The following L3HYPDH variants were observed in gnomAD, a reference collection of about 807,000 sequenced individuals.
L3HYPDH encodes the protein trans-L-3-hydroxyproline dehydratase.
Under a neutral mutation model 26.5 loss-of-function variants are expected in L3HYPDH, and 32 were observed. The ratio of observed to expected loss-of-function variants is 1.21; its 90% CI spans 0.91 to 1.62. The LOEUF is 1.62. Ranked by LOEUF, L3HYPDH falls within the 40% of genes most tolerant of loss-of-function variation. The probability of loss-of-function intolerance (pLI) is 0.00; values close to 1 mark genes in which losing one functional copy is unlikely to be tolerated. For missense variants in L3HYPDH, 554 were observed against 476.4 expected (o/e 1.16, Z -1.52); for synonymous variants, 215 against 196.6 (o/e 1.09, Z -0.78).
In L3HYPDH at chr14:59,472,807, A is replaced by C; in HGVS notation, c.*158T>G. 1.9e-6 allele frequency: 1 copy of C among 530,814 alleles called. No homozygotes were observed. Among genetic ancestry groups the C allele is most frequent in the Non-Finnish European group, 3.0e-6 (1 of 327,902 alleles). 32.9% of individuals were successfully genotyped at this position (530,814 alleles called of 1,614,324 possible). A position where few individuals can be genotyped will look rare whatever the true frequency, so the allele number is the denominator to read the frequency against. On this transcript the variant is annotated 3_prime_UTR_variant, in exon 5 of 5. Transcript: ENST00000247194. ...TTATACAAATACAGTTGCAAATACG[A>C]GGTATAATGACTTTATATTTAGCCA...
chr14:59,489,801 G>T, the L3HYPDH span, among the ~76,000 whole-genome samples: 1 of 152,192 alleles, frequency 6.6e-6, no homozygotes, highest in Admixed American at 6.5e-5. Context: ...TTACAATCAT[G>T]GCAGAAGGCA....
chr14:59,501,333 G>A, the L3HYPDH span: 1 of 981,158 alleles, frequency 1.0e-6, no homozygotes, highest in Non-Finnish European at 1.6e-6. Flanking sequence ...TATCAGAATA[G>A]TCCATATGAT....
the L3HYPDH span, chr14:59,501,297 A>T: frequency 7.3e-7 from 1 of 1,369,592 alleles, no homozygotes; most frequent in Non-Finnish European, 1.0e-6. Flanking sequence ...TTTGTTAAAG[A>T]CTTTTTGATA....
chr14:59,470,298 G>C (rs1889279287), downstream of L3HYPDH, among the ~76,000 whole-genome samples: 1 of 152,204 alleles, frequency 6.6e-6, no homozygotes, highest in Non-Finnish European at 1.5e-5. Context: ...GAGCTTGTTA[G>C]AAATGCCCCA....
At position 59,479,327 on chromosome 14, in the gene L3HYPDH, T is replaced by G. The variant is rs778148908; in HGVS notation, c.533A>C (p.His178Pro). 1 of 1,612,386 alleles carries G rather than the reference T, an allele frequency of 6.2e-7. No homozygotes were observed. Among genetic ancestry groups the G allele is most frequent in the Admixed American group, 1.7e-5 (1 of 59,442 alleles). ...TGCAATGTCCACCATCACCTTTCCA[T>G]GTCCAGGAACATCCACCATGAGATC... ...ATDLMVDVPG[H>P]GKVMVDIAYG... is the part of the protein sequence containing the mutation. The change falls in exon 2 of 5, where the codon CAT (histidine) becomes CCT (proline). Residue 178 changes from histidine to proline, a missense_variant. His to Pro is a moderately conservative substitution (Grantham distance 77, BLOSUM62 -2). Coordinates refer to ENST00000247194, the MANE Select transcript of L3HYPDH (RefSeq NM_144581.2).
chr14:59,483,888 G>A lies in L3HYPDH; in HGVS notation c.429C>T (p.Thr143=). 2 of 1,570,680 alleles carry A rather than the reference G, an allele frequency of 1.3e-6. No individual in the cohort carries two copies. The highest frequency in any genetic ancestry group is 2.3e-5 in the South Asian group (2 of 87,080). The change falls in exon 1 of 5, where the codon ACC becomes ACT. Residue 143 remains threonine, a synonymous_variant. Transcript: ENST00000247194. ...VNIHCPCGLV[T]AFVACEDGRS... is the part of the protein sequence containing the mutation. ...GGCCGTCCTCGCATGCCACGAAGGCGGTCACCAGCCCGCAGGGGCAGTGGA... is the reference window on the plus strand; with the variant it reads ...GGCCGTCCTCGCATGCCACGAAGGCAGTCACCAGCCCGCAGGGGCAGTGGA...
Position 59,484,404 on chromosome 14 carries a change from A to ACG in L3HYPDH, c.-90_-89dup. On this transcript the variant is annotated 5_prime_UTR_variant, in exon 1 of 5. Transcript: ENST00000247194. ...ACTGACTCCGCGGGAGGAGGGCGGG[A>ACG]CGCTAACCAGCCACGTCCGGGGGGC... 6 of 1,438,376 alleles carry ACG rather than the reference A, an allele frequency of 4.2e-6. No individual in the cohort carries two copies. The highest frequency in any genetic ancestry group is 5.7e-6 in the Non-Finnish European group (6 of 1,060,854). 89.1% of individuals were successfully genotyped at this position (1,438,376 alleles called of 1,614,324 possible).
At chr14:59,492,010 C>T in the L3HYPDH span, among the ~76,000 whole-genome samples, 1 of 152,148 alleles carries the variant, frequency 6.6e-6, no homozygotes, top group African/African-American at 2.4e-5. Flanking sequence ...GTAATGGCCT[C>T]ATAGTCTGTG....
In L3HYPDH at chr14:59,475,990, G is replaced by A; in HGVS notation, c.818C>T (p.Thr273Ile). Reference sequence around the variant, plus strand: ...AATTCGGGCTGTCACTCCTGAGCCAGTGGGACTTCTGTCAACCTGTTTCAG... The same window carrying A: ...AATTCGGGCTGTCACTCCTGAGCCAATGGGACTTCTGTCAACCTGTTTCAG... ...FADEQVDRSP[T>I]GSGVTARIAL... Residue 273 changes from threonine to isoleucine, a missense_variant, in exon 4 of 5, where the codon ACT becomes ATT. Coordinates refer to ENST00000247194, the MANE Select transcript of L3HYPDH (RefSeq NM_144581.2). The A allele has an allele frequency of 1.9e-6, 3 of 1,614,000 alleles. No individual in the cohort carries two copies. Among genetic ancestry groups the A allele is most frequent in the Non-Finnish European group, 2.5e-6 (3 of 1,179,902 alleles).
chr14:59,495,286 A>T, the L3HYPDH span: 4 of 1,316,348 alleles, frequency 3.0e-6, no homozygotes, highest in Admixed American at 7.2e-5. Context: ...ATTATTATAG[A>T]TTTTATGGCG....
upstream of L3HYPDH, among the ~76,000 whole-genome samples, chr14:59,489,030 A>G (rs1313917991): frequency 6.6e-6 from 1 of 152,232 alleles, no homozygotes; most frequent in Non-Finnish European, 1.5e-5. Flanking sequence ...CCTTTTTCTC[A>G]TTGTGTTGGC....
At chr14:59,483,541 G>C in intron 1 of L3HYPDH, 1 of 1,396,606 alleles carries the variant, frequency 7.2e-7, no homozygotes, top group East Asian at 2.8e-5. Flanking sequence ...AGTGCAGAGG[G>C]AGGCGCTGAG....
Position 59,473,035 on chromosome 14 carries a change from T to C in L3HYPDH, c.995A>G (p.His332Arg), listed in dbSNP as rs1191985923. ...TATAAAGCTTGCTGTACCCGTGTAA[T>C]GGGCTTGTCCTGATACTTCCACTAT... is the stretch of plus-strand genomic sequence containing the variant. ...AVIVEVSGQAHYTGTASFIIE... is the reference protein window; with the variant it reads ...AVIVEVSGQARYTGTASFIIE... Residue 332 changes from histidine (H) to arginine (R), a missense_variant, in exon 5 of 5, where the codon CAT (histidine) becomes CGT (arginine). By Grantham distance (29) the His-to-Arg change is conservative. Transcript: ENST00000247194. The C allele has an allele frequency of 1.9e-6, 3 of 1,609,234 alleles. No homozygotes were observed. The South Asian group carries it at 3.3e-5, about 18-fold the overall frequency.
chr14:59,478,209 CTATAAA>C (rs1889769272), intron 2 of L3HYPDH, among the ~76,000 whole-genome samples: 1 of 152,244 alleles, frequency 6.6e-6, no homozygotes, highest in East Asian at 1.9e-4. Flanking sequence ...TTGCAGAATT[CTATAAA>C]TATATTTCTA....
chr14:59,479,025 A>C, intron 2 of L3HYPDH, 157 bp downstream of exon 2: 2 of 556,574 alleles, frequency 3.6e-6, no homozygotes, highest in Non-Finnish European at 5.8e-6. Context: ...CACGGGTGGG[A>C]CAAGCTTGCT....
chr14:59,484,377 C>T lies in L3HYPDH; in HGVS notation c.-61G>A. On this transcript the variant is annotated 5_prime_UTR_variant, in exon 1 of 5. Transcript: ENST00000247194. Reference sequence around the variant, plus strand: ...CTATGGCTTCAAGCCCGACCCTCACCCACTGACTCCGCGGGAGGAGGGCGG... The same window carrying T: ...CTATGGCTTCAAGCCCGACCCTCACTCACTGACTCCGCGGGAGGAGGGCGG... The T allele has an allele frequency of 6.7e-7, 1 of 1,500,086 alleles. No homozygotes were observed. Among genetic ancestry groups the T allele is most frequent in the Non-Finnish European group, 9.0e-7 (1 of 1,114,984 alleles). 92.9% of individuals were successfully genotyped at this position (1,500,086 alleles called of 1,614,324 possible).
At position 59,479,250 on chromosome 14, in the gene L3HYPDH, T is replaced by C; in HGVS notation, c.610A>G (p.Ile204Val). The C allele has an allele frequency of 1.2e-6, 2 of 1,613,598 alleles. No homozygotes were observed. Among genetic ancestry groups the C allele is most frequent in the Middle Eastern group, 1.7e-4 (1 of 6,060 alleles). Reference protein sequence around the residue: ...FVTAEKLGLDICSAKTRDLVD... With the variant: ...FVTAEKLGLDVCSAKTRDLVD... Reference sequence around the variant, plus strand: ...AGGTCCCTGGTCTTTGCAGAACAAATGTCTAGTCCTAACTTTTCAGCAGTA... The same window carrying C: ...AGGTCCCTGGTCTTTGCAGAACAAACGTCTAGTCCTAACTTTTCAGCAGTA... Residue 204 changes from isoleucine (I) to valine (V), a missense_variant, in exon 2 of 5, where the codon ATT (isoleucine) becomes GTT (valine). Ile to Val is a conservative substitution (Grantham distance 29). Transcript: ENST00000247194.
chr14:59,489,796 A>G, the L3HYPDH span, among the ~76,000 whole-genome samples: 1 of 152,192 alleles, frequency 6.6e-6, no homozygotes, highest in Admixed American at 6.5e-5. Context: ...GAAGCTTACA[A>G]TCATGGCAGA....
At chr14:59,503,911 T>A in the L3HYPDH span, 1 of 1,613,500 alleles carries the variant, frequency 6.2e-7, no homozygotes, top group Non-Finnish European at 8.5e-7. Flanking sequence ...CAGCCACTGG[T>A]TACTTCATGC....
Sources: allele counts gnomAD v4.1 joint callset (sites outside exome capture counted in the v4.1 genomes callset), GRCh38; gene constraint gnomAD v4.1.1; transcripts MANE v1.5; gene names NCBI Gene and HGNC (gene_info 2026-07-23, HGNC 2026-07-21).